Variants in UST observed in about 807,000 individuals in gnomAD.
UST encodes uronyl 2-sulfotransferase.
UST carries 21 observed loss-of-function variants against 45.6 expected under a neutral mutation model. The ratio of observed to expected loss-of-function variants is 0.46; its 90% CI spans 0.33 to 0.66. UST has a LOEUF of 0.66. Ranked by LOEUF, UST falls within the 30% of genes least tolerant of loss-of-function variation. The probability of loss-of-function intolerance (pLI) is 0.02; values close to 1 mark genes in which losing one functional copy is unlikely to be tolerated. For missense variants in UST, 463 were observed against 512.4 expected, an observed-to-expected ratio of 0.90 and a Z score of 0.93; for synonymous variants, 215 against 200.6, an observed-to-expected ratio of 1.07 and a Z score of -0.61.
intron 5 of UST, among the ~76,000 whole-genome samples, chr6:149,010,913 A>C (rs6941834): frequency 0.064 from 5,941 of 93,100 alleles, 715 homozygotes; most frequent in African/African-American, 0.23. Flanking sequence ...AAAAAAAAAA[A>C]AAAAAACTGT....
intron 5 of UST, among the ~76,000 whole-genome samples, chr6:149,018,032 G>T (rs1184893622): frequency 2.0e-5 from 3 of 152,022 alleles, no homozygotes; most frequent in Admixed American, 2.0e-4. Context: ...AAACTCAAGT[G>T]CTTGAGTACT....
At chr6:148,857,163 A>G (rs1778221799) in intron 1 of UST, among the ~76,000 whole-genome samples, 1 of 152,162 alleles carries the variant, frequency 6.6e-6, no homozygotes, top group Admixed American at 6.6e-5. Context: ...TTCAGTGAAC[A>G]GAACTTGGCT....
chr6:148,838,098 A>C (rs560307097), intron 1 of UST, among the ~76,000 whole-genome samples: 3 of 152,372 alleles, frequency 2.0e-5, no homozygotes, highest in Non-Finnish European at 2.9e-5. Context: ...TCAGTATCAT[A>C]TGATAGAGAG....
intron 5 of UST, among the ~76,000 whole-genome samples, chr6:148,969,251 A>G (rs567695215): frequency 1.4e-3 from 210 of 152,358 alleles, no homozygotes; most frequent in African/African-American, 4.9e-3. Flanking sequence ...TGTTTTTCTT[A>G]AATAAATAAA....
chr6:148,782,322 C>T (rs1680507511), intron 1 of UST, among the ~76,000 whole-genome samples: 1 of 152,112 alleles, frequency 6.6e-6, no homozygotes, highest in Admixed American at 6.6e-5. Flanking sequence ...GGGGTCAAGA[C>T]TTGAGTGGAG....
chr6:148,992,274 G>A (rs559399436), intron 5 of UST, among the ~76,000 whole-genome samples: 190 of 152,294 alleles, frequency 1.2e-3, no homozygotes, highest in African/African-American at 4.5e-3. Context: ...AGAGGCCGAG[G>A]CGGGCAGATC....
chr6:148,897,088 G>A (rs1208514440), intron 2 of UST, among the ~76,000 whole-genome samples: 1 of 152,088 alleles, frequency 6.6e-6, no homozygotes, highest in Admixed American at 6.5e-5. Flanking sequence ...CTATAACTTA[G>A]AGCAAGCCTA....
intron 2 of UST, among the ~76,000 whole-genome samples, chr6:148,924,998 T>G (rs1779784928): frequency 6.6e-6 from 1 of 152,224 alleles, no homozygotes. Context: ...CATGTTTATG[T>G]TGAATTCCTC....
Position 149,064,666 on chromosome 6 carries a change from G to A in UST, c.938-9167G>A, listed in dbSNP as rs114177379. Among the ~76,000 whole-genome samples the A allele has an allele frequency of 4.3e-3, 659 of 152,278 alleles. 2 individuals are homozygous for A. Among genetic ancestry groups the A allele is most frequent in the African/African-American group, 0.015 (638 of 41,544 alleles). On this transcript the variant is annotated intron_variant, in intron 7 of 7. Transcript: ENST00000367463. The stretch of plus-strand genomic sequence containing the variant: ...TAGGTTTATGAAAGCCTGAATTTTA[G>A]AATCTTTAAAGCAGAAGCATAAAAC...
At chr6:148,832,283 C>T (rs530241734) in intron 1 of UST, among the ~76,000 whole-genome samples, 11 of 152,264 alleles carry the variant, frequency 7.2e-5, no homozygotes, top group Non-Finnish European at 1.0e-4. Context: ...AACCAAACAC[C>T]GTAAATGTGT....
intron 1 of UST, among the ~76,000 whole-genome samples, chr6:148,778,626 G>A (rs1393570612): frequency 6.6e-6 from 1 of 152,204 alleles, no homozygotes; most frequent in Non-Finnish European, 1.5e-5. Flanking sequence ...GCAGTCCTGT[G>A]ACAATCCCTG....
chr6:149,019,974 G>T (rs913790533), intron 6 of UST, among the ~76,000 whole-genome samples: 10 of 152,190 alleles, frequency 6.6e-5, no homozygotes, highest in African/African-American at 2.4e-4. Context: ...GCCTGGAGAA[G>T]AAATGGCAGC....
chr6:149,016,456 C>G (rs1266272039), intron 5 of UST, among the ~76,000 whole-genome samples: 1 of 152,228 alleles, frequency 6.6e-6, no homozygotes, highest in Admixed American at 6.5e-5. Context: ...TGCTCTGGAG[C>G]AGTGTGCCTT....
At chr6:149,047,965 T>G (rs1476095052) in intron 7 of UST, among the ~76,000 whole-genome samples, 1 of 152,082 alleles carries the variant, frequency 6.6e-6, no homozygotes, top group Non-Finnish European at 1.5e-5. Context: ...AGTGAAACAG[T>G]AACAGAAACA....
chr6:149,068,932 A>G (rs975357954), intron 7 of UST, among the ~76,000 whole-genome samples: 2 of 152,136 alleles, frequency 1.3e-5, no homozygotes, highest in African/African-American at 2.4e-5. Flanking sequence ...GGTATGTATC[A>G]TCCTACTCCC....
At position 149,000,392 on chromosome 6, in the gene UST, G is replaced by A. The variant is rs112931283; in HGVS notation, c.682-18747G>A. 6.6e-3 allele frequency among the ~76,000 whole-genome samples: 1,002 copies of A among 152,234 alleles called. 17 individuals are homozygous for A. The highest frequency in any genetic ancestry group is 0.023 in the African/African-American group (950 of 41,522). On this transcript the variant is annotated intron_variant, in intron 5 of 7. Coordinates refer to ENST00000367463, the MANE Select transcript of UST (RefSeq NM_005715.3). ...AGACCTGATTCTGGACTCAGGACCC[G>A]GGAGTCCGGATGGTAGAAGCCACAA...
chr6:148,749,450 A>G (rs1390232926), intron 1 of UST, among the ~76,000 whole-genome samples: 1 of 151,978 alleles, frequency 6.6e-6, no homozygotes, highest in East Asian at 1.9e-4. Context: ...ATGGACCAGG[A>G]TGGAAGTCAT....
intron 1 of UST, among the ~76,000 whole-genome samples, chr6:148,846,781 G>A (rs1170481390): frequency 6.6e-6 from 1 of 152,220 alleles, no homozygotes; most frequent in African/African-American, 2.4e-5. Context: ...AGAAACAGTT[G>A]TCAAAGTCCC....
intron 1 of UST, among the ~76,000 whole-genome samples, chr6:148,858,741 T>C (rs1056032052): frequency 4.6e-5 from 7 of 151,944 alleles, no homozygotes; most frequent in Admixed American, 3.3e-4. Flanking sequence ...AGTGAGAACA[T>C]GTGGTGTTTG....
Sources: gnomAD v4.1 joint callset for allele counts (sites outside exome capture counted in the v4.1 genomes callset) on GRCh38, gnomAD v4.1.1 for gene constraint, MANE v1.5 for transcripts, NCBI Gene and HGNC (gene_info 2026-07-23, HGNC 2026-07-21) for gene names.